The following PPP2R5B variants were observed in gnomAD, a reference collection of about 807,000 sequenced individuals.
PPP2R5B encodes protein phosphatase 2 regulatory subunit B'beta, also known as serine/threonine-protein phosphatase 2A 56 kDa regulatory subunit beta isoform.
A neutral mutation model predicts 59.9 loss-of-function variants in PPP2R5B; 19 were observed. The ratio of observed to expected loss-of-function variants is 0.32; its 90% CI spans 0.22 to 0.47. The LOEUF (loss-of-function observed/expected upper bound fraction) is 0.47, where lower values mean the gene tolerates loss of function less well. PPP2R5B is among the 20% of genes least tolerant of loss of function. The pLI, the probability that PPP2R5B is intolerant of heterozygous loss-of-function variation, is 1.00. For missense variants in PPP2R5B, 441 were observed against 640.2 expected (o/e 0.69, Z 3.36); for synonymous variants, 286 against 260.5 (o/e 1.10, Z -0.94).
rs1325193387 is a variant in PPP2R5B at position 64,931,333 on chromosome 11, C to CCGTG, written c.892-102_892-99dup. The CCGTG allele has an allele frequency of 1.4e-5, 18 of 1,256,398 alleles. No homozygotes were observed. The highest frequency in any genetic ancestry group is 2.1e-5 in the Non-Finnish European group (18 of 877,368). The allele number at this position is 1,256,398 out of a possible 1,614,324, so 77.8% of individuals were successfully genotyped here. ...GCTTGGTGAATAAGAAAGTAACAGGCCGTGGGTGAGCAGTATTTGGCATTC... is the reference window on the plus strand; with the variant it reads ...GCTTGGTGAATAAGAAAGTAACAGGCCGTGCGTGGGTGAGCAGTATTTGGCATTC... On this transcript the variant is annotated intron_variant, in intron 8 of 13. Transcript: ENST00000164133. This position sits in a 1 kb window ranked among gnomAD's most constrained non-coding sequence, Gnocchi z 5.0.
chr11:64,930,652 C>A, intron 8 of PPP2R5B, 63 bp downstream of exon 8: 1 of 1,389,550 alleles, frequency 7.2e-7, no homozygotes, highest in Non-Finnish European at 1.0e-6. Flanking sequence ...GCCAGTGGGT[C>A]CTGGAGGTCA....
chr11:64,920,328 C>T (rs1435662741), upstream of PPP2R5B, among the ~76,000 whole-genome samples: 1 of 152,186 alleles, frequency 6.6e-6, no homozygotes, highest in East Asian at 1.9e-4. Flanking sequence ...GCACATCCGT[C>T]TCTTAGGGGT....
In PPP2R5B at chr11:64,928,337, T is replaced by C. The variant is rs1945190914; in HGVS notation, c.634T>C (p.Tyr212His). ...TAGTGAGGATCCCCGGGAGCGTGAGTACCTCAAGACCATCCTGCACCGGGT... is the reference window on the plus strand; with the variant it reads ...TAGTGAGGATCCCCGGGAGCGTGAGCACCTCAAGACCATCCTGCACCGGGT... ...FDSEDPREREYLKTILHRVYG... is the reference protein window; with the variant it reads ...FDSEDPREREHLKTILHRVYG... Residue 212 changes from tyrosine (Y) to histidine (H), a missense_variant, in exon 6 of 14, where the codon TAC becomes CAC. By Grantham distance (83) the Tyr-to-His change is moderately conservative (BLOSUM62 2). Coordinates refer to ENST00000164133, the MANE Select transcript of PPP2R5B (RefSeq NM_006244.4). 1 of 1,614,098 alleles carries C rather than the reference T, an allele frequency of 6.2e-7. No homozygotes were observed. The highest frequency in any genetic ancestry group is 2.2e-5 in the East Asian group (1 of 44,868).
In PPP2R5B at chr11:64,931,376, C is replaced by T. The variant is rs1042107694; in HGVS notation, c.892-60C>T. 4 of 1,570,870 alleles carry T rather than the reference C, an allele frequency of 2.5e-6. No individual in the cohort carries two copies. In the East Asian group the frequency reaches 9.0e-5, roughly 35 times the overall value. ...TGGCATTCTGTCCTGGACAGCAAGT[C>T]CTTGGCGCCTGGTGCCTTCCTGACC... On this transcript the variant is annotated intron_variant, in intron 8 of 13. Transcript: ENST00000164133. This position sits in a 1 kb window ranked among gnomAD's most constrained non-coding sequence, Gnocchi z 5.0.
chr11:64,928,441 C>T lies in PPP2R5B; in HGVS notation c.722+16C>T, dbSNP rs1230155601. 3 of 1,613,902 alleles carry T rather than the reference C, an allele frequency of 1.9e-6. No homozygotes were observed. The highest frequency in any genetic ancestry group is 1.7e-5 in the Admixed American group (1 of 60,008). Reference sequence around the variant, plus strand: ...TCTTCCTCCGGTGAGTGGCTGCTGCCTGCCCAGCAGAGACCTGGGGAGGGT... The same window carrying T: ...TCTTCCTCCGGTGAGTGGCTGCTGCTTGCCCAGCAGAGACCTGGGGAGGGT... On this transcript the variant is annotated intron_variant, in intron 6 of 13. Transcript: ENST00000164133.
At position 64,931,645 on chromosome 11, in the gene PPP2R5B, G is replaced by C; in HGVS notation, c.996+36G>C. 6.2e-7 allele frequency: 1 copy of C among 1,613,602 alleles called. No individual in the cohort carries two copies. Among genetic ancestry groups the C allele is most frequent in the South Asian group, 1.1e-5 (1 of 91,052 alleles). ...GGGCTTTGATGCCCGCCAGAGGGAG[G>C]CTGGGAGGGCTCGGCCTCTAGAAGG... On this transcript the variant is annotated intron_variant, in intron 10 of 13. Transcript: ENST00000164133. The surrounding 1 kb of genome is among the most constrained non-coding windows in gnomAD (Gnocchi z 5.0).
rs772235916 is a variant in PPP2R5B at position 64,930,305 on chromosome 11, G to A, written c.723-17G>A. 2 of 1,613,912 alleles carry A rather than the reference G, an allele frequency of 1.2e-6. No homozygotes were observed. Among genetic ancestry groups the A allele is most frequent in the South Asian group, 1.1e-5 (1 of 91,080 alleles). ...TACCCTGCTTGCTTTGAGCCCACCT[G>A]CGTTCTTCTCTTGCAGGTTCATCTA... On this transcript the variant is annotated splice_polypyrimidine_tract_variant and intron_variant, in intron 6 of 13. Transcript: ENST00000164133.
chr11:64,931,684 G>A lies in PPP2R5B; in HGVS notation c.997-65G>A, dbSNP rs915153425. Reference sequence around the variant, plus strand: ...GCCTCTAGAAGGCAGTCAGGTGTGTGTATGTGTAGGGGGAGATGTGAGCTG... The same window carrying A: ...GCCTCTAGAAGGCAGTCAGGTGTGTATATGTGTAGGGGGAGATGTGAGCTG... On this transcript the variant is annotated intron_variant, in intron 10 of 13. Transcript: ENST00000164133. The surrounding 1 kb of genome is among the most constrained non-coding windows in gnomAD (Gnocchi z 5.0). 8 of 1,613,882 alleles carry A rather than the reference G, an allele frequency of 5.0e-6. No homozygotes were observed. In the African/African-American group the frequency reaches 8.0e-5, roughly 16 times the overall value.
intron 2 of PPP2R5B, among the ~76,000 whole-genome samples, 191 bp downstream of exon 2, chr11:64,926,124 T>A (rs1945161327): frequency 6.6e-6 from 1 of 152,218 alleles, no homozygotes; most frequent in Non-Finnish European, 1.5e-5. Context: ...GACTGGCCTG[T>A]CATCCTTAGA....
intron 6 of PPP2R5B, 97 bp from the exon 7 acceptor site, chr11:64,930,225 A>T: frequency 1.5e-6 from 2 of 1,347,424 alleles, no homozygotes; most frequent in South Asian, 2.4e-5. Flanking sequence ...GAGTTGGATG[A>T]GCGTGCCGTG....
At position 64,925,773 on chromosome 11, in the gene PPP2R5B, C is replaced by T; in HGVS notation, c.39C>T (p.Ser13=). ...TGCCCCCTGCAAGCACCCCCACTAGCCCCTCCTCCCCCGGGCTGTCGCCTG... is the reference window on the plus strand; with the variant it reads ...TGCCCCCTGCAAGCACCCCCACTAGTCCCTCCTCCCCCGGGCTGTCGCCTG... The part of the protein sequence containing the change: ...TKLPPASTPT[S]PSSPGLSPVP... The change falls in exon 2 of 14, where the codon AGC becomes AGT. Residue 13 remains serine, a synonymous_variant. Transcript: ENST00000164133. This position sits in a 1 kb window ranked among gnomAD's most constrained non-coding sequence, Gnocchi z 4.6. The T allele has an allele frequency of 6.3e-7, 1 of 1,583,344 alleles. No individual in the cohort carries two copies. The highest frequency in any genetic ancestry group is 8.6e-7 in the Non-Finnish European group (1 of 1,160,078).
At chr11:64,920,943 C>CTATATATATA (rs59230229), upstream of PPP2R5B, among the ~76,000 whole-genome samples, 15,301 of 134,532 alleles carry the variant, frequency 0.11, 1,543 homozygotes, top group Admixed American at 0.23. Context: ...TCCAGCAGTT[C>CTATATATATA]TATATATATA....
At chr11:64,930,696 C>A in intron 8 of PPP2R5B, 107 bp downstream of exon 8, 1 of 928,368 alleles carries the variant, frequency 1.1e-6, no homozygotes, top group South Asian at 1.5e-5. Flanking sequence ...CCTTCTTTGT[C>A]TTTATAATTC....
chr11:64,925,869 C>T lies in PPP2R5B; in HGVS notation c.135C>T (p.His45=). Residue 45 remains histidine (H), a synonymous_variant, in exon 2 of 14, where the codon CAC becomes CAT. Coordinates refer to ENST00000164133, the MANE Select transcript of PPP2R5B (RefSeq NM_006244.4). This position sits in a 1 kb window ranked among gnomAD's most constrained non-coding sequence, Gnocchi z 4.6. ...GCAGAGCCCGGCCCCGCCGCTCCCA[C>T]AGCTCCTCTCAGTTCCGCTATCAGA... ...SLRRARPRRS[H]SSSQFRYQSN... is the part of the protein sequence containing the mutation. The T allele has an allele frequency of 6.2e-7, 1 of 1,611,998 alleles. No individual in the cohort carries two copies. The highest frequency in any genetic ancestry group is 8.5e-7 in the Non-Finnish European group (1 of 1,179,880).
At chr11:64,929,333 T>C (rs958684202) in intron 6 of PPP2R5B, among the ~76,000 whole-genome samples, 6 of 152,212 alleles carry the variant, frequency 3.9e-5, no homozygotes, top group Non-Finnish European at 5.9e-5. Flanking sequence ...GTTGAGACCA[T>C]GGCTCTGAAG....
chr11:64,918,531 G>A (rs1010128916), intron 1 of PPP2R5B, among the ~76,000 whole-genome samples: 16 of 152,034 alleles, frequency 1.1e-4, no homozygotes, highest in African/African-American at 2.9e-4. Context: ...GCTAATTACC[G>A]TGTTGGGCAG....
rs959629319 is a variant in PPP2R5B at position 64,931,240 on chromosome 11, G to A, written c.892-196G>A. ...AGTTTGTTGACTGTCCCCACTCCCC[G>A]CGAGATCAGAGTTGTATTCCCAGCA... On this transcript the variant is annotated intron_variant, in intron 8 of 13. Coordinates refer to ENST00000164133, the MANE Select transcript of PPP2R5B (RefSeq NM_006244.4). This position sits in a 1 kb window ranked among gnomAD's most constrained non-coding sequence, Gnocchi z 5.0. 7.9e-5 allele frequency among the ~76,000 whole-genome samples: 12 copies of A among 152,070 alleles called. No individual in the cohort carries two copies. The highest frequency in any genetic ancestry group is 2.9e-4 in the African/African-American group (12 of 41,386).
Position 64,931,603 on chromosome 11 carries a change from G to A in PPP2R5B, c.990G>A (p.Gln330=), listed in dbSNP as rs745418108. The change falls in exon 10 of 14, where the codon CAG becomes CAA. Residue 330 remains glutamine, a synonymous_variant. Transcript: ENST00000164133. The surrounding 1 kb of genome is among the most constrained non-coding windows in gnomAD (Gnocchi z 5.0). The stretch of plus-strand genomic sequence containing the variant: ...AATACTGGCCAAAAACCTGCACCCA[G>A]AAGGAGGTATGAAGAAGGGCTTTGA... The part of the protein sequence containing the change: ...LLKYWPKTCT[Q]KEVMFLGEME... 1 of 1,613,934 alleles carries A rather than the reference G, an allele frequency of 6.2e-7. No individual in the cohort carries two copies. Among genetic ancestry groups the A allele is most frequent in the African/African-American group, 1.3e-5 (1 of 75,060 alleles).
rs144447454 is a variant in PPP2R5B, at chr11:64,926,225, C to T, written c.199+292C>T. Among the ~76,000 whole-genome samples, 477 of 152,340 alleles carry T rather than the reference C, an allele frequency of 3.1e-3. 1 individual carries two copies. Among genetic ancestry groups the T allele is most frequent in the Middle Eastern group, 0.01 (3 of 294 alleles). ...TGGGTTCCAGGGGGCCACTATCAGC[C>T]CAGCCAGCTGCCAGATCCCTGGAGC... On this transcript the variant is annotated intron_variant, in intron 2 of 13. Coordinates refer to ENST00000164133, the MANE Select transcript of PPP2R5B (RefSeq NM_006244.4).
Sources: allele counts gnomAD v4.1 joint callset (sites outside exome capture counted in the v4.1 genomes callset), GRCh38; gene constraint gnomAD v4.1.1; non-coding constraint Gnocchi (gnomAD v3.1); transcripts MANE v1.5; gene names NCBI Gene and HGNC (gene_info 2026-07-23, HGNC 2026-07-21).